ITM2C: variants seen among roughly 807,000 people sequenced by gnomAD.
ITM2C encodes the protein integral membrane protein 2C.
Under a neutral mutation model 30.0 loss-of-function variants are expected in ITM2C, and 20 were observed. The observed-to-expected ratio is 0.67, with a 90% CI of 0.47 to 0.97. The LOEUF (loss-of-function observed/expected upper bound fraction) is 0.97. ITM2C is among the 50% of genes least tolerant of loss of function. The pLI is 0.00. For missense variants in ITM2C, 366 were observed against 371.9 expected, an observed-to-expected ratio of 0.98 and a Z score of 0.13; for synonymous variants, 167 against 156.4, an observed-to-expected ratio of 1.07 and a Z score of -0.51.
chr2:230,864,902 G>A (rs1696983821), upstream of ITM2C: 1 of 1,172,954 alleles, frequency 8.5e-7, no homozygotes. This position sits in a 1 kb window ranked among gnomAD's most constrained non-coding sequence, Gnocchi z 4.3. Flanking sequence ...CTGGGGGTGG[G>A]GTTAGAGAGA....
In ITM2C at chr2:230,873,519, G is replaced by A. The variant is rs561117835; in HGVS notation, c.223G>A (p.Ala75Thr). Residue 75 changes from alanine (A) to threonine (T), a missense_variant, in exon 2 of 6, where the codon GCC (alanine) becomes ACC (threonine). Transcript: ENST00000326427. ...CGTGCTGCTCATGGGCCTCGTGTTC[G>A]CCTCTGTCTACATCTACAGATACTT... ...MVVLLMGLVF[A>T]SVYIYRYFFL... 4.1e-5 allele frequency: 66 copies of A among 1,610,504 alleles called. No individual in the cohort carries two copies. The highest frequency in any genetic ancestry group is 7.8e-5 in the South Asian group (7 of 90,248).
rs201009691 is a variant in ITM2C, at chr2:230,873,481, C to T, written c.185C>T (p.Ser62Leu). 128 of 1,610,546 alleles carry T rather than the reference C, an allele frequency of 7.9e-5. No homozygotes were observed. In the Admixed American group the frequency reaches 1.9e-3, roughly 23 times the overall value. Residue 62 changes from serine (S) to leucine (L), a missense_variant, in exon 2 of 6, where the codon TCG becomes TTG. By Grantham distance (145) the Ser-to-Leu change is moderately radical (BLOSUM62 -2). Coordinates refer to ENST00000326427, the MANE Select transcript of ITM2C (RefSeq NM_030926.6). ...GGSVGGVCYL[S>L]MGMVVLLMGL... ...TCAGTGGGCGGCGTGTGCTACCTGT[C>T]GATGGGCATGGTCGTGCTGCTCATG...
In ITM2C at chr2:230,873,402, C is replaced by A; in HGVS notation, c.121-15C>A. The A allele has an allele frequency of 6.5e-7, 1 of 1,539,852 alleles. No homozygotes were observed. Among genetic ancestry groups the A allele is most frequent in the Non-Finnish European group, 8.7e-7 (1 of 1,142,872 alleles). On this transcript the variant is annotated splice_polypyrimidine_tract_variant and intron_variant, in intron 1 of 5. Transcript: ENST00000326427. ...GGGGCCCTGGCCCCCACTGACCCAG[C>A]ATTGCTATCCACAGGAGGAGCAGCC...
chr2:230,876,512 C>G (rs1181879370), intron 3 of ITM2C, among the ~76,000 whole-genome samples: 1 of 151,954 alleles, frequency 6.6e-6, no homozygotes. Flanking sequence ...GACAGAGTCT[C>G]GCTCTGTCGC....
chr2:230,874,608 T>C (rs550988995), intron 2 of ITM2C, among the ~76,000 whole-genome samples: 1 of 152,346 alleles, frequency 6.6e-6, no homozygotes, highest in East Asian at 1.9e-4. Context: ...CCAGCCACTG[T>C]GGGATGCAGC....
At chr2:230,872,530 A>G (rs1236940322) in intron 1 of ITM2C, among the ~76,000 whole-genome samples, 3 of 152,190 alleles carry the variant, frequency 2.0e-5, no homozygotes, top group Admixed American at 1.3e-4. Context: ...CCCTGCAGCT[A>G]TGATCTTGAG....
At chr2:230,868,745 C>T (rs1001736680) in intron 1 of ITM2C, among the ~76,000 whole-genome samples, 5 of 152,180 alleles carry the variant, frequency 3.3e-5, no homozygotes, top group African/African-American at 7.2e-5. Context: ...GGGAGGGTCC[C>T]GTGCCAGCCA....
At chr2:230,870,868 CT>C (rs1315627486) in intron 1 of ITM2C, among the ~76,000 whole-genome samples, 21 of 148,598 alleles carry the variant, frequency 1.4e-4, no homozygotes, top group Middle Eastern at 3.5e-3. Context: ...AGCGCTTTGA[CT>C]TTTTTTTTTT....
At chr2:230,871,837 G>A (rs868135603) in intron 1 of ITM2C, among the ~76,000 whole-genome samples, 65 of 152,222 alleles carry the variant, frequency 4.3e-4, no homozygotes, top group African/African-American at 1.4e-3. Context: ...TAAGCAGGGC[G>A]GGTCAGACCC....
Position 230,877,007 on chromosome 2 carries a change from C to T in ITM2C, c.561+40C>T, listed in dbSNP as rs371675792. 152 of 1,326,662 alleles carry T rather than the reference C, an allele frequency of 1.1e-4. No individual in the cohort carries two copies. The highest frequency in any genetic ancestry group is 1.4e-4 in the Non-Finnish European group (128 of 920,134). 82.2% of individuals were successfully genotyped at this position (1,326,662 alleles called of 1,614,324 possible). On this transcript the variant is annotated intron_variant, in intron 4 of 5. Coordinates refer to ENST00000326427, the MANE Select transcript of ITM2C (RefSeq NM_030926.6). The surrounding 1 kb of genome is among the most constrained non-coding windows in gnomAD (Gnocchi z 4.8). ...GGGGGGATGTCTGCAGCATCCTGTC[C>T]CTCCCTTGCCCCCTGTCTCATGGAG...
rs1205866633 is a variant in ITM2C at position 230,876,853 on chromosome 2, C to T, written c.451-4C>T. 1.2e-6 allele frequency: 2 copies of T among 1,605,378 alleles called. No homozygotes were observed. Among genetic ancestry groups the T allele is most frequent in the African/African-American group, 1.3e-5 (1 of 74,884 alleles). On this transcript the variant is annotated splice_region_variant and splice_polypyrimidine_tract_variant and intron_variant, in intron 3 of 5. Coordinates refer to ENST00000326427, the MANE Select transcript of ITM2C (RefSeq NM_030926.6). ...GAGACTGACCCAACCCCTTCTCCTG[C>T]CAGGGTCTGACTGCGTACCATGATA...
rs998516658 is a variant in ITM2C at position 230,877,021 on chromosome 2, T to G, written c.561+54T>G. ...AGCATCCTGTCCCTCCCTTGCCCCC[T>G]GTCTCATGGAGGCTAGGTCTGAGGT... On this transcript the variant is annotated intron_variant, in intron 4 of 5. Transcript: ENST00000326427. The surrounding 1 kb of genome is among the most constrained non-coding windows in gnomAD (Gnocchi z 4.8). 9.0e-6 allele frequency: 11 copies of G among 1,227,302 alleles called. No individual in the cohort carries two copies. In the African/African-American group the frequency reaches 1.0e-4, roughly 12 times the overall value. The allele number at this position is 1,227,302 out of a possible 1,614,324, so 76.0% of individuals were successfully genotyped here.
intron 1 of ITM2C, 29 bp from the exon 2 acceptor site, chr2:230,873,388 C>T: frequency 6.6e-7 from 1 of 1,505,714 alleles, no homozygotes; most frequent in Non-Finnish European, 8.9e-7. Flanking sequence ...GGGCCCTGGC[C>T]CCCACTGACC....
Position 230,877,980 on chromosome 2 carries a change from T to C in ITM2C, c.713-28T>C, listed in dbSNP as rs949748056. 6.4e-7 allele frequency: 1 copy of C among 1,572,410 alleles called. No homozygotes were observed. The highest frequency in any genetic ancestry group is 1.7e-4 in the Middle Eastern group (1 of 5,978). On this transcript the variant is annotated intron_variant, in intron 5 of 5. Coordinates refer to ENST00000326427, the MANE Select transcript of ITM2C (RefSeq NM_030926.6). The surrounding 1 kb of genome is among the most constrained non-coding windows in gnomAD (Gnocchi z 4.8). Reference sequence around the variant, plus strand: ...TTGTGACTCAGCCAGGATGCAGGGCTCACTGGGGTTTTTCTTTTTCCTCCC... The same window carrying C: ...TTGTGACTCAGCCAGGATGCAGGGCCCACTGGGGTTTTTCTTTTTCCTCCC...
At chr2:230,875,898 G>T (rs189255801) in intron 3 of ITM2C, 90 bp downstream of exon 3, 4 of 1,070,956 alleles carry the variant, frequency 3.7e-6, no homozygotes, top group South Asian at 1.5e-5. Flanking sequence ...AGACTCCTCG[G>T]AGTACAGCAG....
chr2:230,865,970 T>TCGCCCCCCTCCCC lies in ITM2C; in HGVS notation c.120+826_120+827insGCCCCCCTCCCCC, dbSNP rs1697018698. On this transcript the variant is annotated intron_variant, in intron 1 of 5. Coordinates refer to ENST00000326427, the MANE Select transcript of ITM2C (RefSeq NM_030926.6). The surrounding 1 kb of genome is among the most constrained non-coding windows in gnomAD (Gnocchi z 6.8). ...CTCTGTGCGCGTTCCCCCACCCCTGTCATCCCCCTCCCCTACCCCGGCTTC... is the reference window on the plus strand; with the variant it reads ...CTCTGTGCGCGTTCCCCCACCCCTGTCGCCCCCCTCCCCCATCCCCCTCCCCTACCCCGGCTTC... Among the ~76,000 whole-genome samples, 1 of 151,756 alleles carries TCGCCCCCCTCCCC rather than the reference T, an allele frequency of 6.6e-6. No homozygotes were observed. The highest frequency in any genetic ancestry group is 1.5e-5 in the Non-Finnish European group (1 of 67,948).
chr2:230,869,026 C>T (rs142112570), intron 1 of ITM2C, among the ~76,000 whole-genome samples: 16 of 152,330 alleles, frequency 1.1e-4, no homozygotes, highest in South Asian at 1.0e-3. Flanking sequence ...GTTTCAAGAC[C>T]GTCAGCAGAT....
chr2:230,864,802 C>T (rs748537860), upstream of ITM2C: 8 of 310,968 alleles, frequency 2.6e-5, 1 homozygote, highest in Non-Finnish European at 4.3e-5. This position sits in a 1 kb window ranked among gnomAD's most constrained non-coding sequence, Gnocchi z 4.3. Context: ...GCGGCGCGCC[C>T]GGCAGGGGTC....
intron 1 of ITM2C, among the ~76,000 whole-genome samples, chr2:230,870,429 A>G (rs754555051): frequency 6.6e-6 from 1 of 152,182 alleles, no homozygotes; most frequent in Non-Finnish European, 1.5e-5. Context: ...TTGGCTCTGC[A>G]GGCTGGAGCG....
Sources: allele counts gnomAD v4.1 joint callset (sites outside exome capture counted in the v4.1 genomes callset), GRCh38; gene constraint gnomAD v4.1.1; non-coding constraint Gnocchi (gnomAD v3.1); transcripts MANE v1.5; gene names NCBI Gene and HGNC (gene_info 2026-07-23, HGNC 2026-07-21).